Variants in IL5RA observed in about 807,000 individuals in gnomAD.
The protein encoded by IL5RA is interleukin-5 receptor subunit alpha.
Under a neutral mutation model 50.0 loss-of-function variants are expected in IL5RA, and 49 were observed. That is an observed-to-expected ratio of 0.98 (90% CI 0.78 to 1.24). The LOEUF is 1.24. Ranked by LOEUF, IL5RA falls within the 50% of genes most tolerant of loss-of-function variation. The pLI, the probability that IL5RA is intolerant of heterozygous loss-of-function variation, is 0.00. For missense variants in IL5RA, 600 were observed against 500.4 expected, an observed-to-expected ratio of 1.20 and a Z score of -1.90; for synonymous variants, 202 against 174.0, an observed-to-expected ratio of 1.16 and a Z score of -1.26.
rs566732508 is a variant in IL5RA, at chr3:3,094,963, G to A, written c.855+336C>T. On this transcript the variant is annotated intron_variant, in intron 8 of 11. Transcript: ENST00000446632. ...GCTGGTCTTGAACTCCTGGTCTCAG[G>A]TGATCCACCCACATTGGCCTCCCAA... Among the ~76,000 whole-genome samples, 17 of 152,226 alleles carry A rather than the reference G, an allele frequency of 1.1e-4. 1 individual carries two copies. Among genetic ancestry groups the A allele is most frequent in the African/African-American group, 3.6e-4 (15 of 41,522 alleles).
intron 1 of IL5RA, among the ~76,000 whole-genome samples, chr3:3,109,144 CCCTTT>C (rs1247770573): frequency 1.3e-5 from 2 of 149,710 alleles, no homozygotes; most frequent in Non-Finnish European, 1.5e-5. Flanking sequence ...TCCTTTTTCC[CCCTTT>C]TTTTTGGTTC....
intron 9 of IL5RA, among the ~76,000 whole-genome samples, chr3:3,085,653 T>G (rs1674085639): frequency 6.6e-6 from 1 of 152,162 alleles, no homozygotes; most frequent in African/African-American, 2.4e-5. Context: ...ACCTCACACA[T>G]CAGCCCATGA....
chr3:3,070,336 A>C, intron 11 of IL5RA, 25 bp from the exon 12 acceptor site: 1 of 1,528,682 alleles, frequency 6.5e-7, no homozygotes, highest in Non-Finnish European at 9.0e-7. Context: ...ATCTTTCCTT[A>C]GATGTCTTTT....
rs1702137422 is a variant in IL5RA at position 3,066,347 on chromosome 3, T to C, written c.*3878A>G. 1 of 152,234 alleles carries C rather than the reference T, an allele frequency of 6.6e-6. No homozygotes were observed. The highest frequency in any genetic ancestry group is 2.4e-5 in the African/African-American group (1 of 41,470). 9.4% of individuals were successfully genotyped at this position (152,234 alleles called of 1,614,324 possible). Reference sequence around the variant, plus strand: ...AATTCACTGTCATTTATGTTTAATATTTCTCATTCTGAAACATATTTATAT... The same window carrying C: ...AATTCACTGTCATTTATGTTTAATACTTCTCATTCTGAAACATATTTATAT... On this transcript the variant is annotated 3_prime_UTR_variant, in exon 12 of 12. Coordinates refer to ENST00000446632, the MANE Select transcript of IL5RA (RefSeq NM_175726.4).
intron 7 of IL5RA, among the ~76,000 whole-genome samples, chr3:3,097,325 C>T (rs1282046312): frequency 6.6e-6 from 1 of 152,154 alleles, no homozygotes; most frequent in African/African-American, 2.4e-5. Context: ...AGAAGGGCTT[C>T]TGGATGGGAA....
At chr3:3,083,623 C>G (rs536215775) in intron 9 of IL5RA, among the ~76,000 whole-genome samples, 1 of 152,168 alleles carries the variant, frequency 6.6e-6, no homozygotes, top group African/African-American at 2.4e-5. Flanking sequence ...CCTTCTGGAG[C>G]CCCCCAAGCA....
At chr3:3,076,466 G>A (rs2125954092) in intron 10 of IL5RA, 65 bp downstream of exon 10, 1 of 1,037,052 alleles carries the variant, frequency 9.6e-7, no homozygotes, top group Non-Finnish European at 1.5e-6. Context: ...CCGGATGCAT[G>A]GTAAGCCTGT....
At chr3:3,097,816 A>G in intron 7 of IL5RA, 54 bp downstream of exon 7, 3 of 1,554,228 alleles carry the variant, frequency 1.9e-6, no homozygotes, top group South Asian at 2.4e-5. Context: ...CCTTCCTTCC[A>G]GTGCTGAGAT....
rs1191002552 is a variant in IL5RA, at chr3:3,102,821, C to T, written c.83-1G>A. The T allele has an allele frequency of 5.0e-6, 8 of 1,596,860 alleles. No individual in the cohort carries two copies. Among genetic ancestry groups the T allele is most frequent in the Non-Finnish European group, 6.8e-6 (8 of 1,175,026 alleles). On this transcript the variant is annotated splice_acceptor_variant, in intron 3 of 11. Coordinates refer to ENST00000446632, the MANE Select transcript of IL5RA (RefSeq NM_175726.4). LOFTEE classifies it high-confidence loss of function. ...AAATTGACAGGTGGGAGAAGTGAAA[C>T]TGTTGATTCAAAGAATAAAGAAACA...
intron 2 of IL5RA, among the ~76,000 whole-genome samples, chr3:3,106,551 G>A (rs369329729): frequency 6.6e-6 from 1 of 151,036 alleles, no homozygotes; most frequent in East Asian, 1.9e-4. Flanking sequence ...ACACCATGTA[G>A]AAATTAAAAA....
At chr3:3,104,829 G>A (rs1349272905) in intron 3 of IL5RA, 74 bp downstream of exon 3, 1 of 901,514 alleles carries the variant, frequency 1.1e-6, no homozygotes, top group Non-Finnish European at 1.8e-6. Flanking sequence ...GACAGTTTAA[G>A]AGGAAATAAT....
chr3:3,090,250 G>C, intron 9 of IL5RA: 1 of 1,597,536 alleles, frequency 6.3e-7, no homozygotes, highest in Non-Finnish European at 8.5e-7. Flanking sequence ...CCTTTATCTT[G>C]AGAACCCTAG....
intron 7 of IL5RA, among the ~76,000 whole-genome samples, chr3:3,096,894 A>G (rs891585455): frequency 2.0e-5 from 3 of 152,210 alleles, no homozygotes; most frequent in Non-Finnish European, 4.4e-5. Context: ...TAAGTGCTTT[A>G]TCATTAGTAA....
At chr3:3,088,203 C>T (rs1232660681) in intron 9 of IL5RA, among the ~76,000 whole-genome samples, 5 of 152,222 alleles carry the variant, frequency 3.3e-5, no homozygotes, top group East Asian at 1.9e-4. Context: ...AATAAGCGCT[C>T]GTTATGGATC....
intron 2 of IL5RA, among the ~76,000 whole-genome samples, chr3:3,106,968 G>A (rs1161829221): frequency 6.6e-6 from 1 of 152,102 alleles, no homozygotes; most frequent in Non-Finnish European, 1.5e-5. Flanking sequence ...TGATAAAACT[G>A]TTGAATATCT....
Position 3,068,061 on chromosome 3 carries a change from A to C in IL5RA, c.*2164T>G, listed in dbSNP as rs2125943918. 6.6e-6 allele frequency: 1 copy of C among 152,278 alleles called. No homozygotes were observed. Among genetic ancestry groups the C allele is most frequent in the South Asian group, 2.1e-4 (1 of 4,812 alleles). The allele number at this position is 152,278 out of a possible 1,614,324, so 9.4% of individuals were successfully genotyped here. A position where few individuals can be genotyped will look rare whatever the true frequency, so the allele number is the denominator to read the frequency against. On this transcript the variant is annotated 3_prime_UTR_variant, in exon 12 of 12. Coordinates refer to ENST00000446632, the MANE Select transcript of IL5RA (RefSeq NM_175726.4). ...ATCTTCCTTCAGCGGCTGATTTTCAAATTTTGGTATTCATAAGACTCTCCT... is the reference window on the plus strand; with the variant it reads ...ATCTTCCTTCAGCGGCTGATTTTCACATTTTGGTATTCATAAGACTCTCCT...
intron 8 of IL5RA, 21 bp downstream of exon 8, chr3:3,095,278 T>C: frequency 6.5e-7 from 1 of 1,530,880 alleles, no homozygotes; most frequent in Middle Eastern, 2.2e-4. Context: ...TATCAAATAT[T>C]GGAATAATCT....
rs768428609 is a variant in IL5RA at position 3,101,733 on chromosome 3, A to C, written c.326T>G (p.Leu109Arg). ...RTILQNDHSLLASSWASAELH... is the reference protein window; with the variant it reads ...RTILQNDHSLRASSWASAELH... ...TTCAGCAGAAGCCCAGCTGCTGGCCAGTAGTGAGTGGTCGTTCTGCAGGAT... is the reference window on the plus strand; with the variant it reads ...TTCAGCAGAAGCCCAGCTGCTGGCCCGTAGTGAGTGGTCGTTCTGCAGGAT... The change falls in exon 5 of 12, where the codon CTG becomes CGG. Residue 109 changes from leucine (L) to arginine (R), a missense_variant. Leu to Arg is a moderately radical substitution (Grantham distance 102). Transcript: ENST00000446632. 1 of 1,614,102 alleles carries C rather than the reference A, an allele frequency of 6.2e-7. No individual in the cohort carries two copies. Among genetic ancestry groups the C allele is most frequent in the Admixed American group, 1.7e-5 (1 of 60,006 alleles).
chr3:3,108,896 A>G (rs1704056481), intron 1 of IL5RA, among the ~76,000 whole-genome samples: 1 of 152,178 alleles, frequency 6.6e-6, no homozygotes, highest in Non-Finnish European at 1.5e-5. Context: ...CTAAAACTTT[A>G]TTTTGCTTTG....
Sources: allele counts gnomAD v4.1 joint callset (sites outside exome capture counted in the v4.1 genomes callset), GRCh38; gene constraint gnomAD v4.1.1; transcripts MANE v1.5; gene names NCBI Gene and HGNC (gene_info 2026-07-23, HGNC 2026-07-21).